Variants in FTO observed in about 807,000 individuals in gnomAD.
FTO encodes alpha-ketoglutarate-dependent dioxygenase FTO.
A neutral mutation model predicts 63.9 loss-of-function variants in FTO; 47 were observed. The ratio of observed to expected loss-of-function variants is 0.74; its 90% CI spans 0.58 to 0.94. The LOEUF (loss-of-function observed/expected upper bound fraction) is 0.94. FTO is among the 40% of genes least tolerant of loss of function. The pLI is 0.00. For missense variants in FTO, 562 were observed against 618.1 expected, an observed-to-expected ratio of 0.91 and a Z score of 0.96; for synonymous variants, 207 against 224.4, an observed-to-expected ratio of 0.92 and a Z score of 0.69.
intron 2 of FTO, among the ~76,000 whole-genome samples, chr16:53,812,460 T>G (rs1485567206): frequency 6.6e-6 from 1 of 152,056 alleles, no homozygotes; most frequent in East Asian, 1.9e-4. Flanking sequence ...TGACCTCAAG[T>G]GATTTGGCGT....
chr16:53,714,034 A>G (rs2151472158), intron 1 of FTO, among the ~76,000 whole-genome samples: 1 of 152,336 alleles, frequency 6.6e-6, no homozygotes, highest in East Asian at 1.9e-4. Context: ...TGCTTACAAG[A>G]TAACCATGCC....
chr16:53,952,473 T>A (rs541351090), intron 8 of FTO, among the ~76,000 whole-genome samples: 1 of 152,318 alleles, frequency 6.6e-6, no homozygotes, highest in South Asian at 2.1e-4. Context: ...GGATGTGTAC[T>A]AGAGCAGATG....
chr16:53,843,269 C>G (rs1239385976), intron 3 of FTO, among the ~76,000 whole-genome samples: 1 of 152,146 alleles, frequency 6.6e-6, no homozygotes, highest in Admixed American at 6.6e-5. Context: ...CTATAAGAGT[C>G]AAAGAGCTTA....
At chr16:53,990,278 C>A (rs1599155610) in intron 8 of FTO, among the ~76,000 whole-genome samples, 1 of 152,170 alleles carries the variant, frequency 6.6e-6, no homozygotes, top group African/African-American at 2.4e-5. Context: ...CACTTAGTAG[C>A]CTCTTGGCTA....
At chr16:53,811,912 A>G (rs929664577) in intron 2 of FTO, among the ~76,000 whole-genome samples, 1 of 152,086 alleles carries the variant, frequency 6.6e-6, no homozygotes, top group African/African-American at 2.4e-5. Flanking sequence ...CCCTGGGCCC[A>G]TGCGATTCTC....
chr16:53,878,158 C>T lies in FTO; in HGVS notation c.976-1686C>T, dbSNP rs576751596. Among the ~76,000 whole-genome samples, 8 of 149,540 alleles carry T rather than the reference C, an allele frequency of 5.3e-5. No homozygotes were observed. The South Asian group carries it at 1.5e-3, about 27-fold the overall frequency. ...ACTAAAAATACAAAAATTAGCTGGG[C>T]GTGGTGGTGCACATCTTTAATCCCA... On this transcript the variant is annotated intron_variant, in intron 5 of 8. Transcript: ENST00000471389.
At chr16:53,930,175 G>A (rs2082244248) in intron 7 of FTO, among the ~76,000 whole-genome samples, 1 of 146,852 alleles carries the variant, frequency 6.8e-6, no homozygotes, top group African/African-American at 2.5e-5. Context: ...TCTCTAGAAT[G>A]AAATAAATAT....
At chr16:53,780,099 A>G (rs534336748) in intron 1 of FTO, among the ~76,000 whole-genome samples, 1 of 152,278 alleles carries the variant, frequency 6.6e-6, no homozygotes, top group South Asian at 2.1e-4. Context: ...CAGTGACTTA[A>G]TGACAAACAG....
At chr16:53,752,152 C>T (rs1188409846) in intron 1 of FTO, among the ~76,000 whole-genome samples, 1 of 152,132 alleles carries the variant, frequency 6.6e-6, no homozygotes, top group Admixed American at 6.5e-5. Flanking sequence ...GGAGATGAAG[C>T]TAGTGAAGAT....
chr16:53,804,011 A>G (rs2078291668), intron 1 of FTO, among the ~76,000 whole-genome samples: 1 of 152,246 alleles, frequency 6.6e-6, no homozygotes, highest in African/African-American at 2.4e-5. Context: ...TGTCCTTTCC[A>G]GACATGAGTA....
At chr16:53,882,934 A>C (rs1325383137) in intron 6 of FTO, among the ~76,000 whole-genome samples, 1 of 152,160 alleles carries the variant, frequency 6.6e-6, no homozygotes, top group South Asian at 2.1e-4. Context: ...TGCTGAGCTC[A>C]AGTCTGACTT....
At chr16:53,867,598 G>A (rs187869375) in intron 4 of FTO, among the ~76,000 whole-genome samples, 112 of 151,836 alleles carry the variant, frequency 7.4e-4, no homozygotes, top group African/African-American at 1.3e-3. Flanking sequence ...TTGGTAATAC[G>A]TGTTTTATCG....
Position 54,119,651 on chromosome 16 carries a change from T to A in FTO, c.*7736T>A, listed in dbSNP as rs1315388257. The A allele has an allele frequency of 1.3e-5, 2 of 152,210 alleles. No individual in the cohort carries two copies. Among genetic ancestry groups the A allele is most frequent in the East Asian group, 3.9e-4 (2 of 5,194 alleles). 9.4% of individuals were successfully genotyped at this position (152,210 alleles called of 1,614,324 possible). ...CTTTTCTCAAAATCAAAACAGAGTT[T>A]AGTAGGCAGCGTATTTCATACATGC... On this transcript the variant is annotated 3_prime_UTR_variant, in exon 9 of 9. Transcript: ENST00000471389.
At chr16:53,907,300 A>G (rs1463111907) in intron 7 of FTO, among the ~76,000 whole-genome samples, 1 of 152,228 alleles carries the variant, frequency 6.6e-6, no homozygotes, top group Non-Finnish European at 1.5e-5. Context: ...TGGCAAGATC[A>G]TCTAAGACAC....
intron 8 of FTO, among the ~76,000 whole-genome samples, chr16:54,041,636 A>G (rs1490065469): frequency 1.3e-5 from 2 of 152,044 alleles, no homozygotes; most frequent in East Asian, 1.9e-4. Context: ...CTGCTGTCAT[A>G]TGAGTCCATA....
chr16:53,954,978 A>C (rs2082893085), intron 8 of FTO, among the ~76,000 whole-genome samples: 1 of 152,120 alleles, frequency 6.6e-6, no homozygotes, highest in African/African-American at 2.4e-5. Flanking sequence ...CTCTATTTTT[A>C]GAGCAGAAAC....
At chr16:53,757,564 C>A (rs1455223029) in intron 1 of FTO, among the ~76,000 whole-genome samples, 1 of 150,628 alleles carries the variant, frequency 6.6e-6, no homozygotes, top group African/African-American at 2.4e-5. Flanking sequence ...TACATAATAC[C>A]TATATTTATA....
At chr16:53,748,350 A>G (rs760274297) in intron 1 of FTO, among the ~76,000 whole-genome samples, 4 of 152,040 alleles carry the variant, frequency 2.6e-5, no homozygotes, top group Non-Finnish European at 5.9e-5. Flanking sequence ...TTAATGTTTT[A>G]TTGTTTTCAG....
intron 1 of FTO, among the ~76,000 whole-genome samples, chr16:53,751,881 C>T (rs2076801811): frequency 6.6e-6 from 1 of 152,258 alleles, no homozygotes; most frequent in South Asian, 2.1e-4. Flanking sequence ...TTATTTTTCT[C>T]TCTGATTCAA....
Sources: gnomAD v4.1 joint callset for allele counts (sites outside exome capture counted in the v4.1 genomes callset) on GRCh38, gnomAD v4.1.1 for gene constraint, MANE v1.5 for transcripts, NCBI Gene and HGNC (gene_info 2026-07-23, HGNC 2026-07-21) for gene names.